The following FOXP1 variants were observed in gnomAD, a reference collection of about 807,000 sequenced individuals.
FOXP1 encodes the protein forkhead box protein P1.
A neutral mutation model predicts 98.2 loss-of-function variants in FOXP1; 15 were observed. The ratio of observed to expected loss-of-function variants is 0.15; its 90% CI spans 0.10 to 0.24. FOXP1 has a LOEUF of 0.24. FOXP1 is among the 10% of genes least tolerant of loss of function. FOXP1 has a pLI of 1.00. For missense variants in FOXP1, 633 were observed against 848.5 expected (o/e 0.75, Z 3.15); for synonymous variants, 371 against 314.5 (o/e 1.18, Z -1.90).
chr3:70,989,519 T>A (rs1318320957), intron 13 of FOXP1, among the ~76,000 whole-genome samples: 1 of 152,200 alleles, frequency 6.6e-6, no homozygotes, highest in Non-Finnish European at 1.5e-5. Context: ...CTAAAGGAAT[T>A]TAGTTTTCCA....
chr3:71,495,507 T>C (rs1407087676), intron 2 of FOXP1, among the ~76,000 whole-genome samples: 1 of 152,232 alleles, frequency 6.6e-6, no homozygotes, highest in Non-Finnish European at 1.5e-5. Context: ...AATCAACAAC[T>C]GAAAGAAGTA....
chr3:70,973,056 G>A (rs1250197381), intron 17 of FOXP1, among the ~76,000 whole-genome samples: 1 of 152,138 alleles, frequency 6.6e-6, no homozygotes, highest in East Asian at 1.9e-4. Context: ...TAAAAAGGGG[G>A]TATTTTTTTC....
At chr3:71,524,017 A>G (rs2043181474) in intron 2 of FOXP1, among the ~76,000 whole-genome samples, 1 of 152,186 alleles carries the variant, frequency 6.6e-6, no homozygotes. Flanking sequence ...GAAACCCAAA[A>G]TAACACCATG....
chr3:71,077,528 G>A (rs961170668), intron 7 of FOXP1, among the ~76,000 whole-genome samples: 4 of 152,074 alleles, frequency 2.6e-5, no homozygotes, highest in Non-Finnish European at 4.4e-5. Flanking sequence ...ACATACACAC[G>A]AGGAGAAGAG....
intron 5 of FOXP1, among the ~76,000 whole-genome samples, chr3:71,235,967 A>G (rs2066738313): frequency 6.6e-6 from 1 of 152,248 alleles, no homozygotes; most frequent in South Asian, 2.1e-4. Context: ...AGACAAATGC[A>G]TCTATTTACC....
chr3:71,247,647 T>C (rs1176066538), intron 5 of FOXP1, among the ~76,000 whole-genome samples: 1 of 152,244 alleles, frequency 6.6e-6, no homozygotes, highest in Non-Finnish European at 1.5e-5. Context: ...AGTGGATATC[T>C]GTTGTTTTTG....
chr3:71,188,489 A>C (rs2108321636), intron 6 of FOXP1, among the ~76,000 whole-genome samples: 1 of 148,654 alleles, frequency 6.7e-6, no homozygotes, highest in South Asian at 2.1e-4. Context: ...ATCTCGGCTC[A>C]CTGCAACCTC....
chr3:71,022,177 C>T (rs767377250), intron 11 of FOXP1, among the ~76,000 whole-genome samples: 2 of 151,904 alleles, frequency 1.3e-5, no homozygotes, highest in Non-Finnish European at 1.5e-5. Context: ...TTAATGTTGT[C>T]CCAGCACCAT....
At chr3:71,049,787 G>T (rs538761987) in intron 9 of FOXP1, among the ~76,000 whole-genome samples, 2 of 152,022 alleles carry the variant, frequency 1.3e-5, no homozygotes. Flanking sequence ...AAATGCTACC[G>T]TGTGACTCCA....
intron 6 of FOXP1, among the ~76,000 whole-genome samples, chr3:71,174,296 G>A (rs1443454844): frequency 6.6e-6 from 1 of 152,126 alleles, no homozygotes; most frequent in Non-Finnish European, 1.5e-5. Flanking sequence ...GAGTAAGCTG[G>A]GTGCAGCGGC....
intron 14 of FOXP1, among the ~76,000 whole-genome samples, chr3:70,979,190 G>GA (rs1425286207): frequency 2.0e-5 from 3 of 147,416 alleles, no homozygotes; most frequent in African/African-American, 5.0e-5. Context: ...GCTGAGGTGG[G>GA]AAGATAGCTT....
intron 5 of FOXP1, among the ~76,000 whole-genome samples, chr3:71,291,712 A>AT (rs11438381): frequency 0.4 from 50,126 of 125,002 alleles, 11,414 homozygotes; most frequent in Non-Finnish European, 0.51. Context: ...CTTATTCTGT[A>AT]TTTTTTTTTT....
chr3:71,294,466 G>A (rs1469789573), intron 5 of FOXP1, among the ~76,000 whole-genome samples: 4 of 151,992 alleles, frequency 2.6e-5, no homozygotes, highest in East Asian at 3.9e-4. Context: ...CATCAGCATC[G>A]TCATTCATGT....
intron 11 of FOXP1, among the ~76,000 whole-genome samples, chr3:71,020,462 T>C (rs971306883): frequency 2.0e-5 from 3 of 152,220 alleles, no homozygotes; most frequent in African/African-American, 7.2e-5. Flanking sequence ...TTCATGGTTA[T>C]ATTCCCAAGG....
chr3:71,427,086 AT>A (rs200838508), intron 3 of FOXP1, among the ~76,000 whole-genome samples: 2,098 of 146,426 alleles, frequency 0.014, 34 homozygotes, highest in African/African-American at 0.046. Flanking sequence ...AATCAGATGC[AT>A]TTTTTTTTTC....
At chr3:71,535,384 A>G (rs1004007322) in intron 2 of FOXP1, among the ~76,000 whole-genome samples, 5 of 152,154 alleles carry the variant, frequency 3.3e-5, no homozygotes, top group Non-Finnish European at 7.3e-5. Context: ...GCTGAGAGCC[A>G]GTGGCAAAGC....
At chr3:71,372,513 A>G (rs2079412482) in intron 3 of FOXP1, among the ~76,000 whole-genome samples, 1 of 152,102 alleles carries the variant, frequency 6.6e-6, no homozygotes, top group Non-Finnish European at 1.5e-5. Context: ...CCAGGAGAAC[A>G]GAGTTCTCCT....
At chr3:71,324,300 T>A (rs2075560282) in intron 4 of FOXP1, among the ~76,000 whole-genome samples, 1 of 152,124 alleles carries the variant, frequency 6.6e-6, no homozygotes. Context: ...CATGCTGCTA[T>A]AAAGACACAT....
At chr3:71,189,553 A>G (rs1021898153) in intron 6 of FOXP1, among the ~76,000 whole-genome samples, 12 of 152,162 alleles carry the variant, frequency 7.9e-5, no homozygotes, top group Non-Finnish European at 1.5e-4. Context: ...TCCTAGTGGC[A>G]GCTAAGAAAG....
Sources: gnomAD v4.1 joint callset for allele counts (sites outside exome capture counted in the v4.1 genomes callset) on GRCh38, gnomAD v4.1.1 for gene constraint, MANE v1.5 for transcripts, NCBI Gene and HGNC (gene_info 2026-07-23, HGNC 2026-07-21) for gene names.